Variants in RADIL observed in about 807,000 individuals in gnomAD.
RADIL encodes the protein ras-associating and dilute domain-containing protein.
Under a neutral mutation model 97.6 loss-of-function variants are expected in RADIL, and 99 were observed. The observed-to-expected ratio is 1.01, with a 90% confidence interval of 0.86 to 1.20. RADIL has a LOEUF of 1.20. Among genes scored for constraint, RADIL ranks in the 50% most tolerant of loss-of-function variants. The pLI is 0.00. For missense variants in RADIL, 1,765 were observed against 1,498.9 expected (o/e 1.18, Z -2.93); for synonymous variants, 803 against 691.8 (o/e 1.16, Z -2.52).
chr7:4,862,135 T>G, intron 2 of RADIL: 1 of 303,710 alleles, frequency 3.3e-6, no homozygotes, highest in Non-Finnish European at 6.0e-6. Flanking sequence ...GGGCTATACA[T>G]GGGGGTGGGC....
chr7:4,856,579 CA>C (rs1783836972), intron 2 of RADIL, among the ~76,000 whole-genome samples: 1 of 152,114 alleles, frequency 6.6e-6, no homozygotes, highest in Non-Finnish European at 1.5e-5. Context: ...TTAATTGTAC[CA>C]ATCTCTTCTT....
At position 4,805,558 on chromosome 7, in the gene RADIL, G is replaced by C. The variant is rs1300093570; in HGVS notation, c.2290+8C>G. 3 of 1,589,030 alleles carry C rather than the reference G, an allele frequency of 1.9e-6. No individual in the cohort carries two copies. Among genetic ancestry groups the C allele is most frequent in the Non-Finnish European group, 2.6e-6 (3 of 1,165,680 alleles). Reference sequence around the variant, plus strand: ...CCCAGCCCTCTCCTGCCCTGGGGCAGGGCTTACCTGACCTGAAGGCCTCGG... The same window carrying C: ...CCCAGCCCTCTCCTGCCCTGGGGCACGGCTTACCTGACCTGAAGGCCTCGG... On this transcript the variant is annotated splice_region_variant and intron_variant, in intron 10 of 14. Coordinates refer to ENST00000399583, the MANE Select transcript of RADIL (RefSeq NM_018059.5).
At position 4,879,797 on chromosome 7, in the gene RADIL, C is replaced by T. The variant is rs394985; in HGVS notation, c.-64-1594G>A. On this transcript the variant is annotated intron_variant, in intron 1 of 14. Coordinates refer to ENST00000399583, the MANE Select transcript of RADIL (RefSeq NM_018059.5). The surrounding 1 kb of genome is among the most constrained non-coding windows in gnomAD (Gnocchi z 4.1). The stretch of plus-strand genomic sequence containing the variant: ...GCCCCAGCCTCCAAAGCTGACACTG[C>T]GAACTGGCCTCTTTCTAATATCACC... 6.6e-6 allele frequency among the ~76,000 whole-genome samples: 1 copy of T among 152,174 alleles called. No homozygotes were observed. Among genetic ancestry groups the T allele is most frequent in the Non-Finnish European group, 1.5e-5 (1 of 68,030 alleles).
Position 4,840,203 on chromosome 7 carries a change from G to A in RADIL, c.536-3598C>T, listed in dbSNP as rs1007824098. On this transcript the variant is annotated intron_variant, in intron 2 of 14. Transcript: ENST00000399583. The surrounding 1 kb of genome is among the most constrained non-coding windows in gnomAD (Gnocchi z 5.6). ...TCGGCTGTCAGGCTTGTTGGGGGCC[G>A]ACATGGCCTCCCAAGTTCCCATAGA... is the stretch of plus-strand genomic sequence containing the variant. 2.0e-5 allele frequency among the ~76,000 whole-genome samples: 3 copies of A among 152,112 alleles called. No individual in the cohort carries two copies. Among genetic ancestry groups the A allele is most frequent in the African/African-American group, 4.8e-5 (2 of 41,414 alleles).
rs1049963554 is a variant in RADIL at position 4,829,032 on chromosome 7, A to G, written c.1454+3109T>C. ...CCCCTCCACACCCTGCCTCAACACT[A>G]GAACTCCAGCTGTCCTGGAACAGAG... On this transcript the variant is annotated intron_variant, in intron 5 of 14. Coordinates refer to ENST00000399583, the MANE Select transcript of RADIL (RefSeq NM_018059.5). Among the ~76,000 whole-genome samples the G allele has an allele frequency of 1.6e-4, 25 of 152,298 alleles. 1 individual carries two copies. The highest frequency in any genetic ancestry group is 5.8e-4 in the African/African-American group (24 of 41,576).
chr7:4,877,565 T>C, intron 2 of RADIL, 40 bp downstream of exon 2: 1 of 1,554,670 alleles, frequency 6.4e-7, no homozygotes, highest in Non-Finnish European at 8.7e-7. Context: ...TTCTCAGCGC[T>C]CAGACCCACG....
chr7:4,848,352 G>GT (rs199760585), intron 2 of RADIL, among the ~76,000 whole-genome samples: 41 of 151,060 alleles, frequency 2.7e-4, no homozygotes, highest in African/African-American at 9.3e-4. Context: ...TATAATAAAA[G>GT]TTTTTTAAAA....
At position 4,803,550 on chromosome 7, in the gene RADIL, G is replaced by C; in HGVS notation, c.2495C>G (p.Pro832Arg). The change falls in exon 11 of 15, where the codon CCC (proline) becomes CGC (arginine). Residue 832 changes from proline (P) to arginine (R), a missense_variant. Coordinates refer to ENST00000399583, the MANE Select transcript of RADIL (RefSeq NM_018059.5). The part of the protein sequence containing the change: ...PGSGASQPVC[P>R]EGMHHVVLDG... ...GGGGGCCCCCTCCCCGGGTACCTCG[G>C]GGCACACTGGCTGGGAGGCCCCACT... The C allele has an allele frequency of 6.5e-7, 1 of 1,540,442 alleles. No homozygotes were observed. Among genetic ancestry groups the C allele is most frequent in the Non-Finnish European group, 8.8e-7 (1 of 1,140,862 alleles).
intron 2 of RADIL, chr7:4,860,989 G>A (rs1361199625): frequency 6.2e-7 from 1 of 1,614,042 alleles, no homozygotes; most frequent in African/African-American, 1.3e-5. Context: ...AAAATACCAA[G>A]AAGAATTTCC....
chr7:4,836,536 T>G lies in RADIL; in HGVS notation c.605A>C (p.Asp202Ala). The change falls in exon 3 of 15, where the codon GAT (aspartate) becomes GCT (alanine). Residue 202 changes from aspartate (D) to alanine (A), a missense_variant. Asp to Ala is a moderately radical substitution (Grantham distance 126). Transcript: ENST00000399583. Reference sequence around the variant, plus strand: ...CCGGGGTGGAGGAGAGCTCCGGGCATCCCCCAGGGCCGGGGTCGGGGTTCC... The same window carrying G: ...CCGGGGTGGAGGAGAGCTCCGGGCAGCCCCCAGGGCCGGGGTCGGGGTTCC... ...AKGTPTPALG[D>A]ARSSPPPRLR... is the part of the protein sequence containing the mutation. The G allele has an allele frequency of 1.9e-6, 3 of 1,607,426 alleles. No individual in the cohort carries two copies. The highest frequency in any genetic ancestry group is 2.5e-6 in the Non-Finnish European group (3 of 1,179,306).
intron 1 of RADIL, among the ~76,000 whole-genome samples, chr7:4,881,008 G>A (rs1463022082): frequency 6.7e-6 from 1 of 150,320 alleles, no homozygotes; most frequent in Non-Finnish European, 1.5e-5. Flanking sequence ...GCTGAGGCAG[G>A]AGGATCACCG....
chr7:4,879,133 T>C lies in RADIL; in HGVS notation c.-64-930A>G, dbSNP rs1001068722. ...GGCCCCTCTCGAGCCGGTGCAGGCATGGCCGGAATGCAGGCGTCCCGCCCA... is the reference window on the plus strand; with the variant it reads ...GGCCCCTCTCGAGCCGGTGCAGGCACGGCCGGAATGCAGGCGTCCCGCCCA... On this transcript the variant is annotated intron_variant, in intron 1 of 14. Transcript: ENST00000399583. This position sits in a 1 kb window ranked among gnomAD's most constrained non-coding sequence, Gnocchi z 4.1. Among the ~76,000 whole-genome samples, 6 of 152,238 alleles carry C rather than the reference T, an allele frequency of 3.9e-5. No homozygotes were observed. Among genetic ancestry groups the C allele is most frequent in the Non-Finnish European group, 8.8e-5 (6 of 68,040 alleles).
At chr7:4,811,644 T>C (rs951925522) in intron 9 of RADIL, among the ~76,000 whole-genome samples, 1 of 151,454 alleles carries the variant, frequency 6.6e-6, no homozygotes, top group Non-Finnish European at 1.5e-5. Flanking sequence ...CCCGCCACCG[T>C]GCCCGGCTAA....
chr7:4,837,867 T>G lies in RADIL; in HGVS notation c.536-1262A>C. ...ACCCGGCGCTGTCTTTTCTGAGCCC[T>G]CTGCTGAGTTCCCTGTACGCAGCCT... On this transcript the variant is annotated intron_variant, in intron 2 of 14. Transcript: ENST00000399583. The surrounding 1 kb of genome is among the most constrained non-coding windows in gnomAD (Gnocchi z 5.6). 1.0e-6 allele frequency: 1 copy of G among 985,418 alleles called. No homozygotes were observed. The highest frequency in any genetic ancestry group is 1.2e-6 in the Non-Finnish European group (1 of 829,924). The allele number at this position is 985,418 out of a possible 1,614,324, so 61.0% of individuals were successfully genotyped here. A position where few individuals can be genotyped will look rare whatever the true frequency, so the allele number is the denominator to read the frequency against.
At chr7:4,804,656 A>C (rs1050605755) in intron 10 of RADIL, among the ~76,000 whole-genome samples, 2 of 152,040 alleles carry the variant, frequency 1.3e-5, no homozygotes, top group African/African-American at 4.8e-5. Context: ...GCATGGTGGC[A>C]CACACCTGTA....
At chr7:4,860,005 G>C in intron 2 of RADIL, 1 of 1,613,910 alleles carries the variant, frequency 6.2e-7, no homozygotes, top group Non-Finnish European at 8.5e-7. Context: ...ATGGAGAAAT[G>C]GCAGGCTGAG....
chr7:4,855,559 C>T (rs924757161), intron 2 of RADIL, among the ~76,000 whole-genome samples: 36 of 144,486 alleles, frequency 2.5e-4, no homozygotes, highest in African/African-American at 5.4e-4. Flanking sequence ...GCACCGCGTT[C>T]GAGTTTCCGT....
At position 4,817,324 on chromosome 7, in the gene RADIL, G is replaced by A. The variant is rs377280918; in HGVS notation, c.1643C>T (p.Thr548Met). Reference sequence around the variant, plus strand: ...CATGGCCTCCTCGCTGGCCGTCAGCGTGCAGGAGAACAGCGATTCCTTCGA... The same window carrying A: ...CATGGCCTCCTCGCTGGCCGTCAGCATGCAGGAGAACAGCGATTCCTTCGA... ...TGSKESLFSC[T>M]LTASEEAMAV... The change falls in exon 7 of 15, where the codon ACG (threonine) becomes ATG (methionine). Residue 548 changes from threonine to methionine, a missense_variant. Coordinates refer to ENST00000399583, the MANE Select transcript of RADIL (RefSeq NM_018059.5). The surrounding 1 kb of genome is among the most constrained non-coding windows in gnomAD (Gnocchi z 8.3). The A allele has an allele frequency of 9.6e-5, 155 of 1,612,334 alleles. 1 individual carries two copies. The highest frequency in any genetic ancestry group is 4.2e-4 in the East Asian group (19 of 44,868).
intron 2 of RADIL, chr7:4,859,600 T>C: frequency 2.9e-6 from 1 of 347,100 alleles, no homozygotes; most frequent in African/African-American, 2.1e-5. Flanking sequence ...TCATTCTCCT[T>C]CCTTAGTATT....
Sources: allele counts gnomAD v4.1 joint callset (sites outside exome capture counted in the v4.1 genomes callset), GRCh38; gene constraint gnomAD v4.1.1; non-coding constraint Gnocchi (gnomAD v3.1); transcripts MANE v1.5; gene names NCBI Gene and HGNC (gene_info 2026-07-23, HGNC 2026-07-21).